Variants in EXOSC8 observed in about 807,000 individuals in gnomAD.
EXOSC8 encodes exosome complex component RRP43.
EXOSC8 carries 37 observed loss-of-function variants against 39.9 expected under a neutral mutation model. The ratio of observed to expected loss-of-function variants is 0.93; its 90% CI spans 0.71 to 1.22. EXOSC8 has a LOEUF of 1.22. Among genes scored for constraint, EXOSC8 ranks in the 50% most tolerant of loss-of-function variants. The pLI is 0.00. For missense variants in EXOSC8, 313 were observed against 326.6 expected, an observed-to-expected ratio of 0.96 and a Z score of 0.32; for synonymous variants, 93 against 109.5, an observed-to-expected ratio of 0.85 and a Z score of 0.94.
chr13:37,009,247 AAG>A lies in EXOSC8; in HGVS notation c.781_782del (p.Glu261SerfsTer2), dbSNP rs766967892. 3 of 1,613,520 alleles carry A rather than the reference AAG, an allele frequency of 1.9e-6. No homozygotes were observed. Among genetic ancestry groups the A allele is most frequent in the Non-Finnish European group, 2.5e-6 (3 of 1,179,696 alleles). On this transcript the variant is annotated frameshift_variant, in exon 11 of 11. Coordinates refer to ENST00000389704, the MANE Select transcript of EXOSC8 (RefSeq NM_181503.3). LOFTEE classifies it high-confidence loss of function. ...ATGAGCCGAGCAGTTACAAGACACA[AAG>A]AAGTTAAAAAACTGATGGATGAAGT...
chr13:37,007,123 G>C, intron 8 of EXOSC8, 52 bp downstream of exon 8: 1 of 1,149,682 alleles, frequency 8.7e-7, no homozygotes, highest in Non-Finnish European at 1.3e-6. Flanking sequence ...TTAGAATGTT[G>C]TTTTGTGAAA....
intron 9 of EXOSC8, 31 bp from the exon 10 acceptor site, chr13:37,008,698 A>T: frequency 7.3e-7 from 1 of 1,379,142 alleles, no homozygotes; most frequent in Non-Finnish European, 1.0e-6. Flanking sequence ...TGTTCCATGG[A>T]TTGATAACTT....
rs1372700529 is a variant in EXOSC8 at position 37,005,992 on chromosome 13, T to C, written c.311T>C (p.Val104Ala). ...RSGPPGEEAQ[V>A]ASQFIADVIE... is the part of the protein sequence containing the mutation. ...GGACCTCCTGGAGAAGAGGCCCAAG[T>C]GGCTAGCCAGTTCATTGCAGATGTC... Residue 104 changes from valine to alanine, a missense_variant, in exon 6 of 11, where the codon GTG becomes GCG. Transcript: ENST00000389704. 1.2e-6 allele frequency: 2 copies of C among 1,611,932 alleles called. No individual in the cohort carries two copies. Among genetic ancestry groups the C allele is most frequent in the Non-Finnish European group, 1.7e-6 (2 of 1,178,352 alleles).
intron 8 of EXOSC8, 50 bp from the exon 9 acceptor site, chr13:37,008,007 T>A: frequency 1.5e-6 from 2 of 1,353,728 alleles, no homozygotes; most frequent in Non-Finnish European, 2.1e-6. Context: ...AGCTTAGAAA[T>A]CATTTGTTTC....
rs2059162120 is a variant in EXOSC8 at position 37,008,105 on chromosome 13, TTAATTTA to T, written c.537_543del (p.Asn180ArgfsTer6). The T allele has an allele frequency of 6.3e-7, 1 of 1,597,672 alleles. No homozygotes were observed. The highest frequency in any genetic ancestry group is 8.5e-7 in the Non-Finnish European group (1 of 1,172,444). ...AATGAAGAAACTGCTTTAGCAGAAG[TTAATTTA>T]AAGAAGAAAAGTTATTTGAATATTA... On this transcript the variant is annotated frameshift_variant, in exon 9 of 11. Transcript: ENST00000389704. LOFTEE classifies it high-confidence loss of function.
At chr13:37,002,882 AT>A in intron 3 of EXOSC8, 51 bp from the exon 4 acceptor site, 1 of 1,203,896 alleles carries the variant, frequency 8.3e-7, no homozygotes, top group Non-Finnish European at 1.2e-6. Flanking sequence ...TATGTGGATA[AT>A]TTTGTAGCTG....
At chr13:37,005,130 G>A (rs912539683) in intron 5 of EXOSC8, among the ~76,000 whole-genome samples, 6 of 151,984 alleles carry the variant, frequency 3.9e-5, no homozygotes, top group African/African-American at 1.2e-4. Context: ...AAAAAAAATA[G>A]AATGGAATTT....
At chr13:37,007,787 A>C (rs1406792509) in intron 8 of EXOSC8, among the ~76,000 whole-genome samples, 1 of 152,180 alleles carries the variant, frequency 6.6e-6, no homozygotes, top group Non-Finnish European at 1.5e-5. Flanking sequence ...AAAATGCTTA[A>C]AACAGTACCT....
rs745601125 is a variant in EXOSC8, at chr13:37,006,212, T to A, written c.390+52T>A. 3.1e-6 allele frequency: 4 copies of A among 1,277,384 alleles called. No individual in the cohort carries two copies. The East Asian group carries it at 9.3e-5, about 30-fold the overall frequency. 79.1% of individuals were successfully genotyped at this position (1,277,384 alleles called of 1,614,324 possible). Reference sequence around the variant, plus strand: ...TCTTATTAATTCTGAAGGGATTTTTTTTTTGTGGGGGAAAGTGAACAAGGA... The same window carrying A: ...TCTTATTAATTCTGAAGGGATTTTTATTTTGTGGGGGAAAGTGAACAAGGA... On this transcript the variant is annotated intron_variant, in intron 7 of 10. Transcript: ENST00000389704.
At chr13:37,000,854 G>A (rs1471650083) in intron 1 of EXOSC8, 32 bp downstream of exon 1, 1 of 1,498,654 alleles carries the variant, frequency 6.7e-7, no homozygotes, top group Non-Finnish European at 8.9e-7. Context: ...GTAGAGTTCT[G>A]TACCCTGGCG....
In EXOSC8 at chr13:37,008,148, A is replaced by G; in HGVS notation, c.579A>G (p.Pro193=). ...GTTATTTGAATATTAGAACTCATCC[A>G]GTTGCAACTTCCTTTGCTGTGTTTG... The part of the protein sequence containing the change: ...KKSYLNIRTH[P]VATSFAVFDD... Residue 193 remains proline, a synonymous_variant, in exon 9 of 11, where the codon CCA becomes CCG. Coordinates refer to ENST00000389704, the MANE Select transcript of EXOSC8 (RefSeq NM_181503.3). The G allele has an allele frequency of 6.3e-7, 1 of 1,597,864 alleles. No homozygotes were observed.
At chr13:37,002,822 G>A in intron 3 of EXOSC8, 112 bp from the exon 4 acceptor site, 1 of 736,678 alleles carries the variant, frequency 1.4e-6, no homozygotes, top group East Asian at 2.7e-5. Context: ...AACTGAGAGG[G>A]GTAGCAAGAT....
chr13:37,008,749 C>G lies in EXOSC8; in HGVS notation c.629C>G (p.Pro210Arg). 6.2e-7 allele frequency: 1 copy of G among 1,611,298 alleles called. No homozygotes were observed. Among genetic ancestry groups the G allele is most frequent in the Non-Finnish European group, 8.5e-7 (1 of 1,177,596 alleles). The part of the protein sequence containing the change: ...VFDDTLLIVD[P>R]TGEEEHLATG... ...TATAGCACTTTGCTTATAGTTGACCCTACTGGAGAGGAGGAACATCTGGCA... is the reference window on the plus strand; with the variant it reads ...TATAGCACTTTGCTTATAGTTGACCGTACTGGAGAGGAGGAACATCTGGCA... Residue 210 changes from proline (P) to arginine (R), a missense_variant, in exon 10 of 11, where the codon CCT becomes CGT. Coordinates refer to ENST00000389704, the MANE Select transcript of EXOSC8 (RefSeq NM_181503.3).
rs1395759213 is a variant in EXOSC8 at position 37,008,292 on chromosome 13, G to A, written c.608+115G>A. The A allele has an allele frequency of 8.5e-6, 7 of 822,918 alleles. No individual in the cohort carries two copies. In the African/African-American group the frequency reaches 1.2e-4, roughly 14 times the overall value. 51.0% of individuals were successfully genotyped at this position (822,918 alleles called of 1,614,324 possible). On this transcript the variant is annotated intron_variant, in intron 9 of 10. Coordinates refer to ENST00000389704, the MANE Select transcript of EXOSC8 (RefSeq NM_181503.3). ...GTGACCCTACATCCTAGTTTTCCCTGGACACTTGAGTTTCTACTTGTCCCT... is the reference window on the plus strand; with the variant it reads ...GTGACCCTACATCCTAGTTTTCCCTAGACACTTGAGTTTCTACTTGTCCCT...
chr13:37,008,434 T>G (rs2059168624), intron 9 of EXOSC8, among the ~76,000 whole-genome samples: 1 of 152,204 alleles, frequency 6.6e-6, no homozygotes, highest in African/African-American at 2.4e-5. Flanking sequence ...ATCTTCAATA[T>G]TTTCCAAGGA....
At position 37,009,577 on chromosome 13, in the gene EXOSC8, TACTG is replaced by T. The variant is rs750163497; in HGVS notation, c.*281_*284del. Reference sequence around the variant, plus strand: ...AGTTTGTACATCTAGCAATGTAAAATACTGACACATTAAAAAAAACAAAAAGTAG... The same window carrying T: ...AGTTTGTACATCTAGCAATGTAAAATACACATTAAAAAAAACAAAAAGTAG... On this transcript the variant is annotated 3_prime_UTR_variant, in exon 11 of 11. Coordinates refer to ENST00000389704, the MANE Select transcript of EXOSC8 (RefSeq NM_181503.3). The T allele has an allele frequency of 5.6e-5, 79 of 1,410,986 alleles. No homozygotes were observed. Among genetic ancestry groups the T allele is most frequent in the East Asian group, 1.8e-4 (8 of 43,878 alleles). 87.4% of individuals were successfully genotyped at this position (1,410,986 alleles called of 1,614,324 possible). A position where few individuals can be genotyped will look rare whatever the true frequency, so the allele number is the denominator to read the frequency against.
intron 9 of EXOSC8, 44 bp from the exon 10 acceptor site, chr13:37,008,685 A>G (rs1555254853): frequency 7.9e-7 from 1 of 1,268,130 alleles, no homozygotes; most frequent in South Asian, 1.2e-5. Context: ...TTAAAGTAAA[A>G]TTTGTTCCAT....
chr13:37,005,862 C>CAAAAAA (rs59234766), intron 5 of EXOSC8, 58 bp from the exon 6 acceptor site: 33 of 296,982 alleles, frequency 1.1e-4, no homozygotes, highest in East Asian at 1.6e-4. Flanking sequence ...GACTCCATCT[C>CAAAAAA]AAAAAAAAAA....
intron 5 of EXOSC8, 83 bp downstream of exon 5, chr13:37,004,644 G>T (rs2059126767): frequency 1.2e-6 from 1 of 841,778 alleles, no homozygotes; most frequent in Admixed American, 2.5e-5. Flanking sequence ...TTAAGTTGAT[G>T]TAAAGAAAAT....
Sources: gnomAD v4.1 joint callset for allele counts (sites outside exome capture counted in the v4.1 genomes callset) on GRCh38, gnomAD v4.1.1 for gene constraint, MANE v1.5 for transcripts, NCBI Gene and HGNC (gene_info 2026-07-23, HGNC 2026-07-21) for gene names.